RIMS1: variants seen among roughly 807,000 people sequenced by gnomAD.
RIMS1 encodes the protein regulating synaptic membrane exocytosis protein 1.
In RIMS1, 83 loss-of-function variants were observed where a neutral mutation model predicts 214.1. The observed-to-expected ratio is 0.39, with a 90% confidence interval of 0.32 to 0.47. RIMS1 has a LOEUF of 0.47. RIMS1 is among the 20% of genes least tolerant of loss of function. The probability of loss-of-function intolerance (pLI) is 0.99; values close to 1 mark genes in which losing one functional copy is unlikely to be tolerated. For missense variants in RIMS1, 2,050 were observed against 2,161.8 expected (o/e 0.95, Z 1.03); for synonymous variants, 793 against 786.8 (o/e 1.01, Z -0.13).
At chr6:72,265,276 C>T in intron 20 of RIMS1, 114 bp from the exon 21 acceptor site, 1 of 656,234 alleles carries the variant, frequency 1.5e-6, no homozygotes, top group Non-Finnish European at 2.5e-6. Flanking sequence ...TGAATGACAT[C>T]TACTAACTCA....
At chr6:72,082,214 G>T (rs1833578424) in intron 2 of RIMS1, among the ~76,000 whole-genome samples, 1 of 152,078 alleles carries the variant, frequency 6.6e-6, no homozygotes, top group African/African-American at 2.4e-5. Flanking sequence ...CATAGTTCTA[G>T]ATCCTATTTA....
At chr6:72,120,795 T>G (rs1040383992) in intron 4 of RIMS1, among the ~76,000 whole-genome samples, 1 of 151,928 alleles carries the variant, frequency 6.6e-6, no homozygotes, top group Non-Finnish European at 1.5e-5. Flanking sequence ...GGTCTAACAT[T>G]TAAGTCTTTA....
At chr6:72,131,848 G>GC (rs2040496900) in intron 4 of RIMS1, among the ~76,000 whole-genome samples, 1 of 152,098 alleles carries the variant, frequency 6.6e-6, no homozygotes, top group Non-Finnish European at 1.5e-5. Context: ...ACCCAAGGGG[G>GC]CCGTGTATAG....
rs912085674 is a variant in RIMS1, at chr6:72,051,550, C to T, written c.246-45399C>T. The stretch of plus-strand genomic sequence containing the variant: ...ACGCTTGTTAGATGTAATGCCTAGT[C>T]GTGGCTTGTGAAAGCCTAATCCTAA... On this transcript the variant is annotated intron_variant, in intron 2 of 33. Coordinates refer to ENST00000521978, the MANE Select transcript of RIMS1 (RefSeq NM_014989.7). Among the ~76,000 whole-genome samples, 3 of 152,204 alleles carry T rather than the reference C, an allele frequency of 2.0e-5. No homozygotes were observed. In the South Asian group the frequency reaches 6.2e-4, roughly 32 times the overall value.
chr6:72,230,808 A>G (rs905042146), intron 6 of RIMS1, among the ~76,000 whole-genome samples: 1 of 151,590 alleles, frequency 6.6e-6, no homozygotes, highest in Admixed American at 6.6e-5. Flanking sequence ...AAATTTTAAA[A>G]TCGCTCACAA....
At chr6:72,040,456 T>A (rs1472390599) in intron 2 of RIMS1, among the ~76,000 whole-genome samples, 1 of 152,018 alleles carries the variant, frequency 6.6e-6, no homozygotes, top group Non-Finnish European at 1.5e-5. Flanking sequence ...ATTTTACAGA[T>A]GAGAAACACT....
At chr6:72,129,369 TGAG>T (rs1407391329) in intron 4 of RIMS1, among the ~76,000 whole-genome samples, 1 of 152,072 alleles carries the variant, frequency 6.6e-6, no homozygotes, top group African/African-American at 2.4e-5. Flanking sequence ...TTTAGGATGA[TGAG>T]ATTAGTGACA....
intron 4 of RIMS1, among the ~76,000 whole-genome samples, chr6:72,136,724 A>G (rs1759141109): frequency 1.3e-5 from 2 of 152,156 alleles, no homozygotes; most frequent in African/African-American, 2.4e-5. Flanking sequence ...AAAAAAATCT[A>G]ACAACATAAC....
At chr6:72,278,018 TA>T (rs2087571444) in intron 23 of RIMS1, among the ~76,000 whole-genome samples, 1 of 152,204 alleles carries the variant, frequency 6.6e-6, no homozygotes, top group South Asian at 2.1e-4. Context: ...AACTTTAAAC[TA>T]TTTTGGTAAA....
intron 29 of RIMS1, among the ~76,000 whole-genome samples, chr6:72,390,344 T>C (rs1248598895): frequency 6.6e-6 from 1 of 152,194 alleles, no homozygotes; most frequent in African/African-American, 2.4e-5. Flanking sequence ...AATACAATGA[T>C]TTCATTTTGG....
intron 6 of RIMS1, among the ~76,000 whole-genome samples, chr6:72,185,236 C>T (rs1268316687): frequency 1.3e-5 from 2 of 151,840 alleles, no homozygotes; most frequent in Admixed American, 1.3e-4. Flanking sequence ...GGAAGAGAAC[C>T]CCGATAAATA....
At chr6:72,224,415 A>C (rs2059559476) in intron 6 of RIMS1, among the ~76,000 whole-genome samples, 1 of 152,206 alleles carries the variant, frequency 6.6e-6, no homozygotes, top group Non-Finnish European at 1.5e-5. Flanking sequence ...TTGTGAAGTC[A>C]TATATTTAAA....
At position 72,370,350 on chromosome 6, in the gene RIMS1, A is replaced by T. The variant is rs543611714; in HGVS notation, c.4367-20248A>T. ...ATGAATTAGAGGTACAACTGTTATG[A>T]TTACTTAGTGAAAAGACCATTCGGG... On this transcript the variant is annotated intron_variant, in intron 29 of 33. Transcript: ENST00000521978. Among the ~76,000 whole-genome samples, 36 of 152,216 alleles carry T rather than the reference A, an allele frequency of 2.4e-4. 1 individual carries two copies. Among genetic ancestry groups the T allele is most frequent in the Admixed American group, 7.9e-4 (12 of 15,282 alleles).
chr6:72,203,113 G>A (rs1453009183), intron 6 of RIMS1, among the ~76,000 whole-genome samples: 3 of 151,974 alleles, frequency 2.0e-5, no homozygotes, highest in Admixed American at 6.6e-5. Context: ...TCAGCCTTCC[G>A]AGTAGCTGGG....
intron 1 of RIMS1, among the ~76,000 whole-genome samples, chr6:71,966,150 G>T (rs1474286921): frequency 6.6e-6 from 1 of 152,146 alleles, no homozygotes; most frequent in East Asian, 1.9e-4. Flanking sequence ...CCCCGAAATT[G>T]GGTAAATGAT....
At chr6:71,968,151 A>T (rs932048945) in intron 1 of RIMS1, among the ~76,000 whole-genome samples, 1 of 152,200 alleles carries the variant, frequency 6.6e-6, no homozygotes, top group Admixed American at 6.5e-5. Flanking sequence ...AGCCATGTTT[A>T]TTTTAAAGCT....
intron 8 of RIMS1, 106 bp from the exon 9 acceptor site, chr6:72,237,717 A>G (rs1379240557): frequency 1.4e-5 from 11 of 803,702 alleles, no homozygotes; most frequent in East Asian, 5.2e-5. Context: ...ATGTTTCTAC[A>G]TGCAATTTCA....
At chr6:72,268,263 T>C (rs1175700097) in intron 22 of RIMS1, among the ~76,000 whole-genome samples, 1 of 152,112 alleles carries the variant, frequency 6.6e-6, no homozygotes, top group Non-Finnish European at 1.5e-5. Context: ...CTAGACAGTA[T>C]GCGGAGAGTA....
rs2085050137 is a variant in RIMS1, at chr6:72,274,357, G to T, written c.3407G>T (p.Trp1136Leu). 1 of 1,610,224 alleles carries T rather than the reference G, an allele frequency of 6.2e-7. No homozygotes were observed. Among genetic ancestry groups the T allele is most frequent in the Non-Finnish European group, 8.5e-7 (1 of 1,177,134 alleles). ...LHSPERERGRWSPSLDRRRPP... is the reference protein window; with the variant it reads ...LHSPERERGRLSPSLDRRRPP... The stretch of plus-strand genomic sequence containing the variant: ...GTTCACTGGGCAAACAGGGGTAGAT[G>T]GTCCCCCTCCCTAGATAGGAGACGA... The change falls in exon 23 of 34, where the codon TGG becomes TTG. Residue 1136 changes from tryptophan (W) to leucine (L), a missense_variant. Coordinates refer to ENST00000521978, the MANE Select transcript of RIMS1 (RefSeq NM_014989.7).
Sources: allele counts gnomAD v4.1 joint callset (sites outside exome capture counted in the v4.1 genomes callset), GRCh38; gene constraint gnomAD v4.1.1; transcripts MANE v1.5; gene names NCBI Gene and HGNC (gene_info 2026-07-23, HGNC 2026-07-21).